Variants in CANT1 observed in about 807,000 individuals in gnomAD.
CANT1 encodes calcium activated nucleotidase 1.
In CANT1, 26 loss-of-function variants were observed where a neutral mutation model predicts 30.0. The observed-to-expected ratio is 0.87, with a 90% CI of 0.64 to 1.20. The LOEUF is 1.20. Ranked by LOEUF, CANT1 falls within the 50% of genes most tolerant of loss-of-function variation. The pLI is 0.00. For synonymous variants in CANT1, 246 were observed against 251.8 expected (o/e 0.98, Z 0.22); for missense variants, 518 against 563.0 (o/e 0.92, Z 0.81).
intron 1 of CANT1, among the ~76,000 whole-genome samples, chr17:79,003,342 A>C (rs2071333336): frequency 6.6e-6 from 1 of 151,776 alleles, no homozygotes. Context: ...CCTTTGCCAC[A>C]GCCCATGCTG....
At chr17:79,000,653 G>C (rs1030851478) in intron 1 of CANT1, among the ~76,000 whole-genome samples, 2 of 152,160 alleles carry the variant, frequency 1.3e-5, no homozygotes, top group African/African-American at 4.8e-5. Flanking sequence ...CTGCCTGCCG[G>C]CTGGCTACAT....
Position 78,995,469 on chromosome 17 carries a change from G to A in CANT1, c.632-248C>T, listed in dbSNP as rs1396308077. Among the ~76,000 whole-genome samples the A allele has an allele frequency of 6.6e-6, 1 of 152,198 alleles. No homozygotes were observed. Among genetic ancestry groups the A allele is most frequent in the Non-Finnish European group, 1.5e-5 (1 of 68,038 alleles). ...TCCCCAACTCCCCGCTCCTCAAGCTGTAACCCCAACCTTAGGATTATCCTT... is the reference window on the plus strand; with the variant it reads ...TCCCCAACTCCCCGCTCCTCAAGCTATAACCCCAACCTTAGGATTATCCTT... On this transcript the variant is annotated intron_variant, in intron 3 of 4. Transcript: ENST00000392446. The surrounding 1 kb of genome is among the most constrained non-coding windows in gnomAD (Gnocchi z 5.7).
At chr17:79,000,837 C>G (rs917629927) in intron 1 of CANT1, among the ~76,000 whole-genome samples, 1 of 152,338 alleles carries the variant, frequency 6.6e-6, no homozygotes, top group Admixed American at 6.5e-5. Context: ...GGCTCTCCCA[C>G]CGTCCCTGCC....
chr17:78,993,811 C>G lies in CANT1; in HGVS notation c.945G>C (p.Lys315Asn). The G allele has an allele frequency of 6.2e-7, 1 of 1,608,246 alleles. No homozygotes were observed. The highest frequency in any genetic ancestry group is 8.5e-7 in the Non-Finnish European group (1 of 1,177,948). ...ERYSEKDDER[K>N]GANLLLSASP... ...AGGCGCTCAGCAGCAGGTTGGCGCC[C>G]TTGCGCTCGTCGTCCTTCTCGCTGT... is the stretch of plus-strand genomic sequence containing the variant. Residue 315 changes from lysine (K) to asparagine (N), a missense_variant, in exon 5 of 5, where the codon AAG becomes AAC. Lys to Asn is a moderately conservative substitution (Grantham distance 94). Coordinates refer to ENST00000392446, the MANE Select transcript of CANT1 (RefSeq NM_001159773.2). This position sits in a 1 kb window ranked among gnomAD's most constrained non-coding sequence, Gnocchi z 4.5.
At chr17:78,994,487 G>A (rs1359414267) in intron 4 of CANT1, among the ~76,000 whole-genome samples, 1 of 152,246 alleles carries the variant, frequency 6.6e-6, no homozygotes, top group East Asian at 1.9e-4. Context: ...CCGGGCCACA[G>A]GCTGGGATGC....
Position 78,993,644 on chromosome 17 carries a change from G to A in CANT1, c.1112C>T (p.Ala371Val), listed in dbSNP as rs372631124. The change falls in exon 5 of 5, where the codon GCC becomes GTC. Residue 371 changes from alanine to valine, a missense_variant. Coordinates refer to ENST00000392446, the MANE Select transcript of CANT1 (RefSeq NM_001159773.2). This position sits in a 1 kb window ranked among gnomAD's most constrained non-coding sequence, Gnocchi z 4.5. ...CAGCGTGAAGGCCATGATGTAGGAG[G>A]CGACTCTGCCGCTGTCCTCCTCGGA... Reference protein sequence around the residue: ...LKSEEDSGRVASYIMAFTLDG... With the variant: ...LKSEEDSGRVVSYIMAFTLDG... 66 of 1,614,256 alleles carry A rather than the reference G, an allele frequency of 4.1e-5. No homozygotes were observed. In the South Asian group the frequency reaches 4.6e-4, roughly 11 times the overall value.
At chr17:79,005,848 C>G (rs924011497) in intron 1 of CANT1, 2 of 152,218 alleles carry the variant, frequency 1.3e-5, no homozygotes, top group Admixed American at 6.5e-5. Context: ...CCTGAGAGAA[C>G]ACGGGTGGCG....
chr17:79,006,148 C>G (rs920188681), intron 1 of CANT1: 3 of 152,336 alleles, frequency 2.0e-5, no homozygotes, highest in African/African-American at 7.2e-5. Context: ...AGGCAGCAGG[C>G]ACCGTCCTGT....
rs1232750206 is a variant in CANT1, at chr17:78,993,875, C to T, written c.881G>A (p.Arg294His). 21 of 1,595,704 alleles carry T rather than the reference C, an allele frequency of 1.3e-5. No homozygotes were observed. Among genetic ancestry groups the T allele is most frequent in the South Asian group, 1.2e-4 (11 of 90,038 alleles). The change falls in exon 5 of 5, where the codon CGC becomes CAC. Residue 294 changes from arginine to histidine, a missense_variant. Arg to His is a conservative substitution (Grantham distance 29). Transcript: ENST00000392446. The surrounding 1 kb of genome is among the most constrained non-coding windows in gnomAD (Gnocchi z 4.5). ...GGCGCGGCGCGGCAGGAAGAACCAG[C>T]GCTGCAGCGTGTCACTCCAGCAGGC... ...ESACWSDTLQRWFFLPRRASQ... is the reference protein window; with the variant it reads ...ESACWSDTLQHWFFLPRRASQ...
At chr17:79,009,150 G>A (rs757349552) in intron 1 of CANT1, among the ~76,000 whole-genome samples, 1 of 151,438 alleles carries the variant, frequency 6.6e-6, no homozygotes. Flanking sequence ...CAGAGGGGGA[G>A]GTGCCCCACA....
In CANT1 at chr17:78,993,710, A is replaced by G; in HGVS notation, c.1046T>C (p.Phe349Ser). 1 of 1,614,168 alleles carries G rather than the reference A, an allele frequency of 6.2e-7. No homozygotes were observed. Among genetic ancestry groups the G allele is most frequent in the Non-Finnish European group, 8.5e-7 (1 of 1,180,044 alleles). The change falls in exon 5 of 5, where the codon TTC (phenylalanine) becomes TCC (serine). Residue 349 changes from phenylalanine to serine, a missense_variant. Physicochemically the swap from Phe to Ser is radical, Grantham distance 155 (BLOSUM62 -2). This residue lies in a region of CANT1 where 221 missense variants were observed against 211.8 expected (regional missense o/e 1.04). Transcript: ENST00000392446. The surrounding 1 kb of genome is among the most constrained non-coding windows in gnomAD (Gnocchi z 4.5). ...VPTHGFSSFK[F>S]IPNTDDQIIV... ...GATCTGGTCGTCGGTGTTGGGGATG[A>G]ACTTGAAGGACGAGAAGCCGTGAGT...
rs2041243914 is a variant in CANT1, at chr17:78,993,830, T to A, written c.926A>T (p.Glu309Val). ...GGCGCCCTTGCGCTCGTCGTCCTTC[T>A]CGCTGTAGCGCTCCTGGCTGGCGCG... ...PRRASQERYSEKDDERKGANL... is the reference protein window; with the variant it reads ...PRRASQERYSVKDDERKGANL... Residue 309 changes from glutamate (E) to valine (V), a missense_variant, in exon 5 of 5, where the codon GAG (glutamate) becomes GTG (valine). Transcript: ENST00000392446. This position sits in a 1 kb window ranked among gnomAD's most constrained non-coding sequence, Gnocchi z 4.5. 3.1e-6 allele frequency: 5 copies of A among 1,605,024 alleles called. No individual in the cohort carries two copies. Among genetic ancestry groups the A allele is most frequent in the Non-Finnish European group, 4.2e-6 (5 of 1,176,838 alleles).
chr17:79,002,334 G>C lies in CANT1; in HGVS notation c.-146-4371C>G, dbSNP rs1373400846. Among the ~76,000 whole-genome samples the C allele has an allele frequency of 1.3e-5, 2 of 152,140 alleles. No homozygotes were observed. The highest frequency in any genetic ancestry group is 1.9e-4 in the East Asian group (1 of 5,186). ...CCGGAGCCATGCTGATGGGGTTAGA[G>C]AACTGTGCACAGGGGCTGACTGCTA... On this transcript the variant is annotated intron_variant, in intron 1 of 4. Transcript: ENST00000392446. This position sits in a 1 kb window ranked among gnomAD's most constrained non-coding sequence, Gnocchi z 4.0.
chr17:79,002,633 G>A lies in CANT1; in HGVS notation c.-146-4670C>T, dbSNP rs2071306726. Among the ~76,000 whole-genome samples the A allele has an allele frequency of 6.6e-6, 1 of 152,206 alleles. No homozygotes were observed. The highest frequency in any genetic ancestry group is 2.1e-4 in the South Asian group (1 of 4,832). ...ATGCTGAGTCTGGCTGCACCGTTGA[G>A]TGGTCGCAACAGACTGTGGAGGCTG... On this transcript the variant is annotated intron_variant, in intron 1 of 4. Coordinates refer to ENST00000392446, the MANE Select transcript of CANT1 (RefSeq NM_001159773.2). This position sits in a 1 kb window ranked among gnomAD's most constrained non-coding sequence, Gnocchi z 4.0.
At chr17:79,006,412 A>G (rs73999379) in intron 1 of CANT1, among the ~76,000 whole-genome samples, 1 of 152,134 alleles carries the variant, frequency 6.6e-6, no homozygotes, top group Non-Finnish European at 1.5e-5. Flanking sequence ...CTGATCAGCA[A>G]CCTTAATTCC....
intron 1 of CANT1, among the ~76,000 whole-genome samples, chr17:79,006,382 T>C (rs2071552400): frequency 1.4e-5 from 2 of 146,864 alleles, no homozygotes; most frequent in South Asian, 4.3e-4. Flanking sequence ...TCCAGGATCA[T>C]CTCACTACTT....
chr17:78,999,617 A>T (rs1259590947), intron 1 of CANT1, among the ~76,000 whole-genome samples: 2 of 148,918 alleles, frequency 1.3e-5, no homozygotes, highest in Non-Finnish European at 3.0e-5. Flanking sequence ...CTGGGACTAC[A>T]GGCGTGTGCC....
chr17:78,995,934 G>C lies in CANT1; in HGVS notation c.632-713C>G, dbSNP rs566194930. On this transcript the variant is annotated intron_variant, in intron 3 of 4. Coordinates refer to ENST00000392446, the MANE Select transcript of CANT1 (RefSeq NM_001159773.2). This position sits in a 1 kb window ranked among gnomAD's most constrained non-coding sequence, Gnocchi z 5.7. ...GGACCTGCGGTCTCCTGGTCTGCTTGTGCGATGAGACATTCTCCATGCCAG... is the reference window on the plus strand; with the variant it reads ...GGACCTGCGGTCTCCTGGTCTGCTTCTGCGATGAGACATTCTCCATGCCAG... Among the ~76,000 whole-genome samples, 2 of 152,188 alleles carry C rather than the reference G, an allele frequency of 1.3e-5. No individual in the cohort carries two copies. The highest frequency in any genetic ancestry group is 1.3e-4 in the Admixed American group (2 of 15,294).
rs1449064510 is a variant in CANT1 at position 79,002,388 on chromosome 17, T to A, written c.-146-4425A>T. 2.6e-5 allele frequency among the ~76,000 whole-genome samples: 4 copies of A among 152,128 alleles called. No homozygotes were observed. The highest frequency in any genetic ancestry group is 6.5e-5 in the Admixed American group (1 of 15,270). On this transcript the variant is annotated intron_variant, in intron 1 of 4. Coordinates refer to ENST00000392446, the MANE Select transcript of CANT1 (RefSeq NM_001159773.2). The surrounding 1 kb of genome is among the most constrained non-coding windows in gnomAD (Gnocchi z 4.0). ...CTTCTCACTCACTCTACAAGTACCC[T>A]CTCGCCTGCTGGGAGGGTTGCAAAC...
Sources: gnomAD v4.1 joint callset for allele counts (sites outside exome capture counted in the v4.1 genomes callset) on GRCh38, gnomAD v4.1.1 for gene constraint, gnomAD v4.1.1 regional missense constraint, Gnocchi (gnomAD v3.1) non-coding constraint, MANE v1.5 for transcripts, NCBI Gene and HGNC (gene_info 2026-07-23, HGNC 2026-07-21) for gene names.